The following CHN1 variants were observed in gnomAD, a reference collection of about 807,000 sequenced individuals.
CHN1 encodes N-chimaerin.
In CHN1, 37 loss-of-function variants were observed where a neutral mutation model predicts 59.5. The ratio of observed to expected loss-of-function variants is 0.62; its 90% CI spans 0.48 to 0.82. The LOEUF (loss-of-function observed/expected upper bound fraction) is 0.82, where lower values mean the gene tolerates loss of function less well. Ranked by LOEUF, CHN1 falls within the 40% of genes least tolerant of loss-of-function variation. The pLI is 0.00. For synonymous variants in CHN1, 206 were observed against 200.4 expected (o/e 1.03, Z -0.24); for missense variants, 469 against 571.0 (o/e 0.82, Z 1.82).
chr2:174,862,092 TG>T (rs1687084585), intron 6 of CHN1, among the ~76,000 whole-genome samples: 1 of 152,148 alleles, frequency 6.6e-6, no homozygotes, highest in African/African-American at 2.4e-5. Flanking sequence ...TATTTTAAAA[TG>T]CATGTCTTAC....
intron 6 of CHN1, among the ~76,000 whole-genome samples, chr2:174,871,918 A>AG (rs1179967121): frequency 5.3e-5 from 8 of 152,152 alleles, no homozygotes; most frequent in Non-Finnish European, 8.8e-5. Context: ...TTTTGATAGG[A>AG]GATAAGTTAG....
chr2:174,839,436 T>C (rs1266386028), intron 7 of CHN1, among the ~76,000 whole-genome samples: 2 of 152,152 alleles, frequency 1.3e-5, no homozygotes, highest in Non-Finnish European at 2.9e-5. Context: ...AGGACAAATA[T>C]TGCATGATTC....
At chr2:174,971,892 C>T (rs1296193020) in intron 1 of CHN1, among the ~76,000 whole-genome samples, 1 of 152,134 alleles carries the variant, frequency 6.6e-6, no homozygotes, top group Non-Finnish European at 1.5e-5. Context: ...AAATACAAAG[C>T]CAAATGAATT....
intron 1 of CHN1, among the ~76,000 whole-genome samples, chr2:174,963,751 A>G (rs188639519): frequency 9.5e-4 from 144 of 152,314 alleles, no homozygotes; most frequent in African/African-American, 3.3e-3. Flanking sequence ...CTCACTTCTC[A>G]AGAGTCGGAG....
intron 8 of CHN1, among the ~76,000 whole-genome samples, chr2:174,818,663 C>A (rs1288868307): frequency 2.6e-5 from 4 of 151,958 alleles, no homozygotes; most frequent in African/African-American, 7.3e-5. Flanking sequence ...AACCACATTT[C>A]TCCCTTCCAA....
At chr2:174,895,065 A>C (rs1688173097) in intron 5 of CHN1, among the ~76,000 whole-genome samples, 1 of 151,116 alleles carries the variant, frequency 6.6e-6, no homozygotes, top group East Asian at 1.9e-4. Context: ...ACACACACAC[A>C]CACACAAAGG....
intron 6 of CHN1, among the ~76,000 whole-genome samples, chr2:174,864,395 G>A (rs1687153165): frequency 6.6e-6 from 1 of 152,142 alleles, no homozygotes; most frequent in Non-Finnish European, 1.5e-5. Flanking sequence ...TAAGTCAACT[G>A]TTGAAGACGT....
chr2:174,931,208 C>T (rs561416185), intron 3 of CHN1, among the ~76,000 whole-genome samples: 3 of 152,030 alleles, frequency 2.0e-5, no homozygotes, highest in South Asian at 2.1e-4. Flanking sequence ...TCGCAGCTAT[C>T]ACTCAGCATT....
chr2:174,993,076 C>T (rs1351331513), intron 1 of CHN1, among the ~76,000 whole-genome samples: 2 of 151,166 alleles, frequency 1.3e-5, no homozygotes, highest in African/African-American at 4.9e-5. Flanking sequence ...AGGCATGAGC[C>T]ACCACACCTG....
chr2:175,005,130 G>A lies in CHN1; in HGVS notation c.-218C>T, dbSNP rs1431560013. The A allele has an allele frequency of 7.6e-7, 1 of 1,310,240 alleles. No individual in the cohort carries two copies. The highest frequency in any genetic ancestry group is 9.7e-7 in the Non-Finnish European group (1 of 1,027,752). The allele number at this position is 1,310,240 out of a possible 1,614,324, so 81.2% of individuals were successfully genotyped here. The stretch of plus-strand genomic sequence containing the variant: ...TTATTGTCGGGCGCACCGGGCCCAG[G>A]GAGCCCCGCTAGCTCTCCGCGAGCC... On this transcript the variant is annotated 5_prime_UTR_variant, in exon 1 of 13. Coordinates refer to ENST00000409900, the MANE Select transcript of CHN1 (RefSeq NM_001822.7).
At chr2:174,850,586 G>C (rs1404265451) in intron 6 of CHN1, among the ~76,000 whole-genome samples, 1 of 152,134 alleles carries the variant, frequency 6.6e-6, no homozygotes, top group African/African-American at 2.4e-5. Context: ...GGGGTGCTGA[G>C]CCCAATATTA....
At chr2:174,829,685 C>G (rs983751681) in intron 7 of CHN1, among the ~76,000 whole-genome samples, 2 of 152,130 alleles carry the variant, frequency 1.3e-5, no homozygotes, top group Admixed American at 6.6e-5. Context: ...ATGATATGAA[C>G]ATTACGGGAA....
chr2:174,922,764 T>C (rs1689051170), intron 3 of CHN1, among the ~76,000 whole-genome samples: 1 of 152,082 alleles, frequency 6.6e-6, no homozygotes, highest in Admixed American at 6.6e-5. Flanking sequence ...AATAGGGCAA[T>C]AACTAACCTG....
rs114469797 is a variant in CHN1, at chr2:174,922,341, T to C, written c.115-3776A>G. Among the ~76,000 whole-genome samples, 689 of 152,320 alleles carry C rather than the reference T, an allele frequency of 4.5e-3. 5 individuals are homozygous for C. The highest frequency in any genetic ancestry group is 0.015 in the African/African-American group (627 of 41,562). On this transcript the variant is annotated intron_variant, in intron 3 of 12. Transcript: ENST00000409900. ...CTCTAAATGAAGATATACATGCACA[T>C]GTACACATGAAAACATGAATAAGAA...
intron 6 of CHN1, among the ~76,000 whole-genome samples, chr2:174,855,656 T>G (rs763683644): frequency 6.6e-6 from 1 of 152,168 alleles, no homozygotes; most frequent in Non-Finnish European, 1.5e-5. Context: ...TAACTGACAA[T>G]TGCATAACAC....
chr2:174,852,301 C>T (rs1362754588), intron 6 of CHN1, among the ~76,000 whole-genome samples: 1 of 151,676 alleles, frequency 6.6e-6, no homozygotes, highest in African/African-American at 2.4e-5. Flanking sequence ...ACAAACAAAA[C>T]CGGTAACGAA....
intron 5 of CHN1, among the ~76,000 whole-genome samples, chr2:174,885,291 A>AATAT (rs1553480972): frequency 4.0e-5 from 6 of 149,614 alleles, no homozygotes; most frequent in Non-Finnish European, 8.9e-5. Context: ...AAGAAAAAAA[A>AATAT]ATATATATAT....
intron 6 of CHN1, among the ~76,000 whole-genome samples, chr2:174,853,941 G>A (rs1041547263): frequency 6.6e-6 from 1 of 152,126 alleles, no homozygotes; most frequent in Admixed American, 6.6e-5. Context: ...TGAGCTACTA[G>A]AAGGGAGAGG....
chr2:174,920,703 T>C (rs1363562500), intron 3 of CHN1, among the ~76,000 whole-genome samples: 1 of 152,214 alleles, frequency 6.6e-6, no homozygotes, highest in Non-Finnish European at 1.5e-5. Flanking sequence ...GCATCATCTA[T>C]AGCGGTGATC....
Sources: allele counts gnomAD v4.1 joint callset (sites outside exome capture counted in the v4.1 genomes callset), GRCh38; gene constraint gnomAD v4.1.1; transcripts MANE v1.5; gene names NCBI Gene and HGNC (gene_info 2026-07-23, HGNC 2026-07-21).